Variants in MSANTD2 observed in about 807,000 individuals in gnomAD.
MSANTD2 encodes the protein Myb/SANT DNA binding domain containing 2.
Under a neutral mutation model 52.6 loss-of-function variants are expected in MSANTD2, and 19 were observed. The observed-to-expected ratio is 0.36, with a 90% CI of 0.25 to 0.53. The LOEUF (loss-of-function observed/expected upper bound fraction) is 0.53, where lower values mean the gene tolerates loss of function less well. MSANTD2 is among the 20% of genes least tolerant of loss of function. The pLI is 0.91. For missense variants in MSANTD2, 558 were observed against 716.3 expected (o/e 0.78, Z 2.52); for synonymous variants, 291 against 289.7 (o/e 1.00, Z -0.04).
At chr11:124,777,293 C>T (rs1258864996) in intron 1 of MSANTD2, among the ~76,000 whole-genome samples, 2 of 152,214 alleles carry the variant, frequency 1.3e-5, no homozygotes, top group African/African-American at 4.8e-5. Context: ...TACTTACTGA[C>T]TCCCTGGAGA....
intron 1 of MSANTD2, among the ~76,000 whole-genome samples, chr11:124,788,207 A>G (rs558098295): frequency 6.6e-6 from 1 of 152,326 alleles, no homozygotes; most frequent in East Asian, 1.9e-4. Flanking sequence ...ACCCATGCAG[A>G]GTGAGGAATA....
chr11:124,799,462 G>T (rs1945608322), intron 1 of MSANTD2, among the ~76,000 whole-genome samples: 1 of 152,090 alleles, frequency 6.6e-6, no homozygotes, highest in Non-Finnish European at 1.5e-5. Context: ...CCCCCCTTCT[G>T]CCCTTCCTCA....
intron 1 of MSANTD2, 47 bp downstream of exon 1, chr11:124,799,824 C>T (rs752557863): frequency 4.9e-5 from 72 of 1,463,672 alleles, no homozygotes; most frequent in Non-Finnish European, 6.4e-5. Context: ...GCTTCCCCGC[C>T]TTCTCTCTGC....
chr11:124,777,922 T>C (rs1278171461), intron 1 of MSANTD2, among the ~76,000 whole-genome samples: 1 of 152,122 alleles, frequency 6.6e-6, no homozygotes, highest in Non-Finnish European at 1.5e-5. Flanking sequence ...GAGTAAGAAC[T>C]GAAACTTCGG....
chr11:124,798,988 T>C (rs143044070), intron 1 of MSANTD2, among the ~76,000 whole-genome samples: 39 of 152,350 alleles, frequency 2.6e-4, no homozygotes, highest in African/African-American at 9.4e-4. Flanking sequence ...GAGTCAGTTC[T>C]AGTAGCAAAA....
At chr11:124,792,859 T>C (rs914667619) in intron 1 of MSANTD2, 7 of 152,136 alleles carry the variant, frequency 4.6e-5, no homozygotes, top group African/African-American at 1.7e-4. Flanking sequence ...ATGAGCAAAA[T>C]ATCTAAATCC....
intron 1 of MSANTD2, among the ~76,000 whole-genome samples, chr11:124,793,319 C>T (rs1375788716): frequency 2.6e-5 from 4 of 152,006 alleles, no homozygotes; most frequent in Non-Finnish European, 4.4e-5. Context: ...TACATTTTAT[C>T]GCCAACTCTC....
intron 1 of MSANTD2, chr11:124,789,578 G>A (rs867959630): frequency 4.6e-5 from 7 of 151,980 alleles, no homozygotes; most frequent in African/African-American, 7.2e-5. Context: ...TTTTACTAGC[G>A]TAACAACACA....
Position 124,767,728 on chromosome 11 carries a change from T to C in MSANTD2, c.1128A>G (p.Leu376=). The change falls in exon 4 of 4, where the codon TTA becomes TTG. Residue 376 remains leucine (L), a synonymous_variant. Coordinates refer to ENST00000374979, the MANE Select transcript of MSANTD2 (RefSeq NM_001308027.2). This position sits in a 1 kb window ranked among gnomAD's most constrained non-coding sequence, Gnocchi z 6.5. ...MNWKNVYYKF[L]EITISEARCL... ...ACCTAGCTTCGCTAATAGTGATCTCTAAAAATTTGTAGTAAACATTTTTCC... is the reference window on the plus strand; with the variant it reads ...ACCTAGCTTCGCTAATAGTGATCTCCAAAAATTTGTAGTAAACATTTTTCC... The C allele has an allele frequency of 6.2e-7, 1 of 1,614,238 alleles. No homozygotes were observed. Among genetic ancestry groups the C allele is most frequent in the Non-Finnish European group, 8.5e-7 (1 of 1,180,030 alleles).
Position 124,792,751 on chromosome 11 carries a change from C to G in MSANTD2, c.510+7120G>C, listed in dbSNP as rs570458300. 4 of 152,228 alleles carry G rather than the reference C, an allele frequency of 2.6e-5. No homozygotes were observed. In the South Asian group the frequency reaches 8.3e-4, roughly 32 times the overall value. 9.4% of individuals were successfully genotyped at this position (152,228 alleles called of 1,614,324 possible). The stretch of plus-strand genomic sequence containing the variant: ...TCAGACCTACTGCAGTAGGCACTAT[C>G]TGTTGATGAATAATGAAAAAAATAA... On this transcript the variant is annotated intron_variant, in intron 1 of 3. Transcript: ENST00000374979.
At chr11:124,798,409 G>T (rs3016271) in intron 1 of MSANTD2, among the ~76,000 whole-genome samples, 36,298 of 151,760 alleles carry the variant, frequency 0.24, 4,466 homozygotes, top group South Asian at 0.36. Context: ...CCTTAATGAC[G>T]TTGAATAGAA....
chr11:124,773,092 T>C (rs746037693), intron 2 of MSANTD2, 38 bp from the exon 3 acceptor site: 1 of 1,234,632 alleles, frequency 8.1e-7, no homozygotes, highest in African/African-American at 1.5e-5. Flanking sequence ...TATACTTTCC[T>C]AAGTGGTGGC....
In MSANTD2 at chr11:124,779,589, G is replaced by C. The variant is rs1425978785; in HGVS notation, c.511-4615C>G. ...TGTATTGTTTAGAAAACATTGGCTT[G>C]ATCAGTCTAAGATGTCAGATGAAAA... On this transcript the variant is annotated intron_variant, in intron 1 of 3. Transcript: ENST00000374979. This position sits in a 1 kb window ranked among gnomAD's most constrained non-coding sequence, Gnocchi z 4.6. Among the ~76,000 whole-genome samples, 1 of 152,208 alleles carries C rather than the reference G, an allele frequency of 6.6e-6. No individual in the cohort carries two copies. Among genetic ancestry groups the C allele is most frequent in the Non-Finnish European group, 1.5e-5 (1 of 68,040 alleles).
intron 1 of MSANTD2, among the ~76,000 whole-genome samples, chr11:124,798,585 T>C (rs1945573286): frequency 1.3e-5 from 2 of 152,146 alleles, no homozygotes; most frequent in Admixed American, 1.3e-4. Flanking sequence ...TGAACAATAG[T>C]AGGTTTTAAA....
chr11:124,769,998 T>G (rs932360552), intron 3 of MSANTD2, among the ~76,000 whole-genome samples: 20 of 152,322 alleles, frequency 1.3e-4, no homozygotes, highest in African/African-American at 4.3e-4. Flanking sequence ...GGGCTCAAGA[T>G]TCAAACCAGC....
intron 1 of MSANTD2, among the ~76,000 whole-genome samples, chr11:124,787,805 T>C (rs1945207264): frequency 6.6e-6 from 1 of 152,260 alleles, no homozygotes; most frequent in Admixed American, 6.5e-5. Flanking sequence ...TCTTCCTTTA[T>C]AGATAAAAGC....
intron 1 of MSANTD2, among the ~76,000 whole-genome samples, chr11:124,781,952 C>G (rs1047425396): frequency 2.0e-5 from 3 of 152,206 alleles, no homozygotes; most frequent in Admixed American, 6.5e-5. Flanking sequence ...CACGCCTGGC[C>G]AATGTCTTCT....
At chr11:124,780,109 C>A (rs899368576) in intron 1 of MSANTD2, among the ~76,000 whole-genome samples, 3 of 152,090 alleles carry the variant, frequency 2.0e-5, no homozygotes, top group Non-Finnish European at 4.4e-5. Flanking sequence ...TATTTTGTTA[C>A]TGTGAGCATA....
At chr11:124,792,705 G>A (rs1458864175) in intron 1 of MSANTD2, 4 of 152,204 alleles carry the variant, frequency 2.6e-5, no homozygotes, top group African/African-American at 9.7e-5. Context: ...TCTTGAAGGT[G>A]ATGGTATACT....
Sources: gnomAD v4.1 joint callset for allele counts (sites outside exome capture counted in the v4.1 genomes callset) on GRCh38, gnomAD v4.1.1 for gene constraint, Gnocchi (gnomAD v3.1) non-coding constraint, MANE v1.5 for transcripts, NCBI Gene and HGNC (gene_info 2026-07-23, HGNC 2026-07-21) for gene names.